The following USF3 variants were observed in gnomAD, a reference collection of about 807,000 sequenced individuals.
The protein encoded by USF3 is upstream transcription factor family member 3.
Under a neutral mutation model 157.5 loss-of-function variants are expected in USF3, and 29 were observed. The ratio of observed to expected loss-of-function variants is 0.18; its 90% confidence interval spans 0.14 to 0.25. The LOEUF is 0.25. Ranked by LOEUF, USF3 falls within the 10% of genes least tolerant of loss-of-function variation. USF3 has a pLI of 1.00. For missense variants in USF3, 2,381 were observed against 2,667.6 expected, an observed-to-expected ratio of 0.89 and a Z score of 2.37; for synonymous variants, 893 against 941.4, an observed-to-expected ratio of 0.95 and a Z score of 0.94.
At position 113,655,980 on chromosome 3, in the gene USF3, G is replaced by A; in HGVS notation, c.5702C>T (p.Ser1901Phe). ...TCGACCTTGAATATCTCCTGAGGAA[G>A]AGGAACTTGAAAAAGGAATATTCAA... ...STLNIPFSSS[S>F]SSGDIQGRNT... is the part of the protein sequence containing the mutation. The change falls in exon 7 of 7, where the codon TCT becomes TTT. Residue 1901 changes from serine (S) to phenylalanine (F), a missense_variant. This residue lies in a region of USF3 where 770 missense variants were observed against 824.2 expected (regional missense o/e 0.93). Coordinates refer to ENST00000316407, the MANE Select transcript of USF3 (RefSeq NM_001009899.4). The A allele has an allele frequency of 1.2e-6, 2 of 1,614,192 alleles. No individual in the cohort carries two copies. Among genetic ancestry groups the A allele is most frequent in the Non-Finnish European group, 1.7e-6 (2 of 1,180,024 alleles).
chr3:113,665,767 G>T (rs1460289578), intron 5 of USF3, among the ~76,000 whole-genome samples: 1 of 152,238 alleles, frequency 6.6e-6, no homozygotes, highest in Admixed American at 6.5e-5. Flanking sequence ...GGCAGAGATT[G>T]CTGTGAAGTG....
chr3:113,671,719 A>C (rs1002307602), intron 4 of USF3, among the ~76,000 whole-genome samples: 1 of 151,086 alleles, frequency 6.6e-6, no homozygotes, highest in Non-Finnish European at 1.5e-5. Flanking sequence ...TCTAGCAGTA[A>C]GAGCATCCTT....
chr3:113,683,356 T>C (rs750949161), intron 1 of USF3, among the ~76,000 whole-genome samples: 42 of 151,906 alleles, frequency 2.8e-4, no homozygotes, highest in Middle Eastern at 3.4e-3. Context: ...AAAACTATTA[T>C]CTAGTTTTTA....
intron 6 of USF3, among the ~76,000 whole-genome samples, chr3:113,663,736 G>A (rs1015597424): frequency 4.6e-5 from 7 of 152,052 alleles, no homozygotes; most frequent in East Asian, 3.8e-4. Flanking sequence ...TTTTTTTCCC[G>A]CTGCTATAAG....
chr3:113,653,683 T>C lies in USF3; in HGVS notation c.*1261A>G, dbSNP rs1019662516. Reference sequence around the variant, plus strand: ...GCAGGTCTCAGGTCTCAATTTCCCATTTTCAGATGGCAGGCCTGTTTTTAA... The same window carrying C: ...GCAGGTCTCAGGTCTCAATTTCCCACTTTCAGATGGCAGGCCTGTTTTTAA... On this transcript the variant is annotated 3_prime_UTR_variant, in exon 7 of 7. Coordinates refer to ENST00000316407, the MANE Select transcript of USF3 (RefSeq NM_001009899.4). 1.3e-5 allele frequency: 2 copies of C among 151,766 alleles called. No individual in the cohort carries two copies. The highest frequency in any genetic ancestry group is 2.9e-5 in the Non-Finnish European group (2 of 67,982). The allele number at this position is 151,766 out of a possible 1,614,324, so 9.4% of individuals were successfully genotyped here.
At chr3:113,682,338 AAAAC>A (rs986190775) in intron 1 of USF3, among the ~76,000 whole-genome samples, 8 of 151,364 alleles carry the variant, frequency 5.3e-5, no homozygotes, top group African/African-American at 1.9e-4. Context: ...AACAAAACAA[AAAAC>A]AAACAAACAA....
At position 113,655,973 on chromosome 3, in the gene USF3, TGAGGAA is replaced by T. The variant is rs1577025886; in HGVS notation, c.5703_5708del (p.Ser1902_Ser1903del). On this transcript the variant is annotated inframe_deletion, in exon 7 of 7. Transcript: ENST00000316407. ...TTGTGTTTCGACCTTGAATATCTCCTGAGGAAGAGGAACTTGAAAAAGGAATATTCA... is the reference window on the plus strand; with the variant it reads ...TTGTGTTTCGACCTTGAATATCTCCTGAGGAACTTGAAAAAGGAATATTCA... 1.9e-6 allele frequency: 3 copies of T among 1,614,086 alleles called. No homozygotes were observed. Among genetic ancestry groups the T allele is most frequent in the African/African-American group, 2.7e-5 (2 of 74,920 alleles).
chr3:113,657,839 G>A lies in USF3; in HGVS notation c.3843C>T (p.Ser1281=), dbSNP rs1947395679. ...ATGGTCCAGGAGGTTGACTGCCATAGGAGCTAGATGAAACGGTCAGATTAA... is the reference window on the plus strand; with the variant it reads ...ATGGTCCAGGAGGTTGACTGCCATAAGAGCTAGATGAAACGGTCAGATTAA... The part of the protein sequence containing the change: ...ATVNLTVSSS[S]YGSQPPGPSL... Residue 1281 remains serine (S), a synonymous_variant, in exon 7 of 7, where the codon TCC becomes TCT. Transcript: ENST00000316407. The A allele has an allele frequency of 1.2e-6, 2 of 1,614,068 alleles. No individual in the cohort carries two copies. The highest frequency in any genetic ancestry group is 1.3e-5 in the African/African-American group (1 of 74,918).
Position 113,655,270 on chromosome 3 carries a change from G to C in USF3, c.6412C>G (p.Pro2138Ala), listed in dbSNP as rs1482039967. 1 of 1,614,090 alleles carries C rather than the reference G, an allele frequency of 6.2e-7. No individual in the cohort carries two copies. The highest frequency in any genetic ancestry group is 8.5e-7 in the Non-Finnish European group (1 of 1,179,962). ...CCACTGTTTACCTTCTCTGTGCTAGGATTTGAGAACATCTGATTAGGAAAA... is the reference window on the plus strand; with the variant it reads ...CCACTGTTTACCTTCTCTGTGCTAGCATTTGAGAACATCTGATTAGGAAAA... ...PYFPNQMFSN[P>A]STEKVNSGSL... The change falls in exon 7 of 7, where the codon CCT becomes GCT. Residue 2138 changes from proline to alanine, a missense_variant. Transcript: ENST00000316407.
In USF3 at chr3:113,653,775, C is replaced by T. The variant is rs1023259504; in HGVS notation, c.*1169G>A. 1 of 151,870 alleles carries T rather than the reference C, an allele frequency of 6.6e-6. No homozygotes were observed. Among genetic ancestry groups the T allele is most frequent in the African/African-American group, 2.4e-5 (1 of 41,332 alleles). The allele number at this position is 151,870 out of a possible 1,614,324, so 9.4% of individuals were successfully genotyped here. A position where few individuals can be genotyped will look rare whatever the true frequency, so the allele number is the denominator to read the frequency against. ...ACATACTTACACACACAGAGACATA[C>T]AGAAAGACTATATATTTTTTGAAGC... On this transcript the variant is annotated 3_prime_UTR_variant, in exon 7 of 7. Transcript: ENST00000316407.
At chr3:113,693,311 G>A (rs917493064) in intron 1 of USF3, among the ~76,000 whole-genome samples, 1 of 152,196 alleles carries the variant, frequency 6.6e-6, no homozygotes, top group Admixed American at 6.5e-5. Context: ...ACCCCCTGGA[G>A]TTGCTCAACA....
In USF3 at chr3:113,655,508, T is replaced by G; in HGVS notation, c.6174A>C (p.Thr2058=). Residue 2058 remains threonine (T), a synonymous_variant, in exon 7 of 7, where the codon ACA becomes ACC. Transcript: ENST00000316407. ...AAGAAAAACCAAAATTTTGTGATAG[T>G]GTATGCTGGTCAGGACCTGAATTAT... The part of the protein sequence containing the change: ...PNDNSGPDQH[T]LSQNFGFSFI... The G allele has an allele frequency of 6.2e-7, 1 of 1,614,072 alleles. No individual in the cohort carries two copies. The highest frequency in any genetic ancestry group is 8.5e-7 in the Non-Finnish European group (1 of 1,180,000).
chr3:113,654,769 T>C lies in USF3; in HGVS notation c.*175A>G, dbSNP rs1947322716. On this transcript the variant is annotated 3_prime_UTR_variant, in exon 7 of 7. Transcript: ENST00000316407. ...GTTGAAAACGAAAGATAACTTGTTT[T>C]CTGACAACCCAGTATCTGCATCTGA... The C allele has an allele frequency of 1.3e-5, 8 of 615,466 alleles. No homozygotes were observed. Among genetic ancestry groups the C allele is most frequent in the Non-Finnish European group, 2.1e-5 (8 of 377,178 alleles). 38.1% of individuals were successfully genotyped at this position (615,466 alleles called of 1,614,324 possible).
intron 1 of USF3, among the ~76,000 whole-genome samples, chr3:113,677,917 T>C (rs1267292774): frequency 1.3e-5 from 2 of 152,038 alleles, no homozygotes; most frequent in Non-Finnish European, 2.9e-5. Flanking sequence ...ATTCCAAACA[T>C]GACAAATGAG....
rs1947354123 is a variant in USF3 at position 113,656,137 on chromosome 3, C to A, written c.5545G>T (p.Gly1849Cys). 1.2e-6 allele frequency: 2 copies of A among 1,614,012 alleles called. No individual in the cohort carries two copies. The highest frequency in any genetic ancestry group is 1.7e-5 in the Admixed American group (1 of 59,998). Residue 1849 changes from glycine to cysteine, a missense_variant, in exon 7 of 7, where the codon GGT (glycine) becomes TGT (cysteine). Transcript: ENST00000316407. ...TTATATTCAATTGCAGAGGATGGAC[C>A]ACACTGTGTATTCCTCTGATGTTCT... ...LSEHQRNTQC[G>C]PSSAIEYNCP...
intron 6 of USF3, 49 bp downstream of exon 6, chr3:113,664,264 C>G: frequency 8.1e-7 from 1 of 1,235,122 alleles, no homozygotes; most frequent in Non-Finnish European, 1.2e-6. Flanking sequence ...GACACAAACA[C>G]CTAAACATTT....
rs755373644 is a variant in USF3, at chr3:113,658,853, T to C, written c.2829A>G (p.Val943=). Residue 943 remains valine (V), a synonymous_variant, in exon 7 of 7, where the codon GTA becomes GTG. Coordinates refer to ENST00000316407, the MANE Select transcript of USF3 (RefSeq NM_001009899.4). ...GAGGATCACTTGGAGATGGAATCAATACATTGGCTGAAGCGCAGGGTTTGG... is the reference window on the plus strand; with the variant it reads ...GAGGATCACTTGGAGATGGAATCAACACATTGGCTGAAGCGCAGGGTTTGG... The part of the protein sequence containing the change: ...DAAKPCASAN[V]LIPSPSDPHI... 1 of 1,614,180 alleles carries C rather than the reference T, an allele frequency of 6.2e-7. No individual in the cohort carries two copies. Among genetic ancestry groups the C allele is most frequent in the Non-Finnish European group, 8.5e-7 (1 of 1,180,010 alleles).
chr3:113,649,499 G>GTT lies in USF3; in HGVS notation c.*5443_*5444dup. 12 of 230,898 alleles carry GTT rather than the reference G, an allele frequency of 5.2e-5. No individual in the cohort carries two copies. Among genetic ancestry groups the GTT allele is most frequent in the South Asian group, 1.7e-4 (1 of 5,824 alleles). The allele number at this position is 230,898 out of a possible 1,614,324, so 14.3% of individuals were successfully genotyped here. A position where few individuals can be genotyped will look rare whatever the true frequency, so the allele number is the denominator to read the frequency against. On this transcript the variant is annotated 3_prime_UTR_variant, in exon 7 of 7. Transcript: ENST00000316407. ...AGTTTAACAGGAGTTTTGCTACTAG[G>GTT]TTTTTTTTTTGTTTTTTGTTTTTTT...
Position 113,648,897 on chromosome 3 carries a change from TG to T in USF3, c.*6046del, listed in dbSNP as rs1468437896. 6.6e-6 allele frequency: 1 copy of T among 152,166 alleles called. No homozygotes were observed. The highest frequency in any genetic ancestry group is 1.5e-5 in the Non-Finnish European group (1 of 67,962). 9.4% of individuals were successfully genotyped at this position (152,166 alleles called of 1,614,324 possible). A position where few individuals can be genotyped will look rare whatever the true frequency, so the allele number is the denominator to read the frequency against. On this transcript the variant is annotated 3_prime_UTR_variant, in exon 7 of 7. Transcript: ENST00000316407. The stretch of plus-strand genomic sequence containing the variant: ...ACCAAAGTGAAAATATATATATATA[TG>T]TATATATATTTATATAGCCTGCTGA...
Sources: gnomAD v4.1 joint callset for allele counts (sites outside exome capture counted in the v4.1 genomes callset) on GRCh38, gnomAD v4.1.1 for gene constraint, gnomAD v4.1.1 regional missense constraint, MANE v1.5 for transcripts, NCBI Gene and HGNC (gene_info 2026-07-23, HGNC 2026-07-21) for gene names.